The following SMO variants were observed in gnomAD, a reference collection of about 807,000 sequenced individuals.
SMO encodes the protein protein smoothened.
A neutral mutation model predicts 81.6 loss-of-function variants in SMO; 40 were observed. That is an observed-to-expected ratio of 0.49 (90% CI 0.38 to 0.64). SMO has a LOEUF of 0.64. SMO is among the 30% of genes least tolerant of loss of function. The probability of loss-of-function intolerance (pLI) is 0.00; values close to 1 mark genes in which losing one functional copy is unlikely to be tolerated. For synonymous variants in SMO, 434 were observed against 432.1 expected, an observed-to-expected ratio of 1.00 and a Z score of -0.05; for missense variants, 916 against 1,061.1, an observed-to-expected ratio of 0.86 and a Z score of 1.90.
At chr7:129,197,071 T>C (rs992073165) in intron 1 of SMO, among the ~76,000 whole-genome samples, 2 of 152,024 alleles carry the variant, frequency 1.3e-5, no homozygotes, top group Non-Finnish European at 2.9e-5. Context: ...TATTTCACTT[T>C]GTTGCTGATA....
rs2150656121 is a variant in SMO at position 129,211,969 on chromosome 7, G to T, written c.1937-55G>T. 6.6e-7 allele frequency: 1 copy of T among 1,504,774 alleles called. No individual in the cohort carries two copies. Among genetic ancestry groups the T allele is most frequent in the Non-Finnish European group, 8.9e-7 (1 of 1,124,962 alleles). The allele number at this position is 1,504,774 out of a possible 1,614,324, so 93.2% of individuals were successfully genotyped here. A position where few individuals can be genotyped will look rare whatever the true frequency, so the allele number is the denominator to read the frequency against. ...AGGTTAAGTGCTCCCAGGGGAGCGG[G>T]GGTGGCATGGACAGAGCCAGGGCCC... On this transcript the variant is annotated intron_variant, in intron 11 of 11. Coordinates refer to ENST00000249373, the MANE Select transcript of SMO (RefSeq NM_005631.5). This position sits in a 1 kb window ranked among gnomAD's most constrained non-coding sequence, Gnocchi z 4.6.
chr7:129,203,137 G>A (rs1230539382), intron 1 of SMO, among the ~76,000 whole-genome samples: 2 of 152,180 alleles, frequency 1.3e-5, no homozygotes, highest in Non-Finnish European at 2.9e-5. Context: ...GGGCATTTTT[G>A]TTTGTCACAA....
chr7:129,204,497 T>A (rs1284817527), intron 2 of SMO, among the ~76,000 whole-genome samples: 10 of 151,192 alleles, frequency 6.6e-5, no homozygotes, highest in Non-Finnish European at 1.5e-4. Flanking sequence ...ATACAAAAAA[T>A]TAGCCAGACA....
At chr7:129,205,132 A>G in intron 2 of SMO, 71 bp from the exon 3 acceptor site, 4 of 1,365,098 alleles carry the variant, frequency 2.9e-6, no homozygotes, top group Non-Finnish European at 4.2e-6. Context: ...TGCTACCTAG[A>G]TACCTTTCCC....
chr7:129,193,781 AAAAAATATATATATATATATAT>A (rs1793517708), intron 1 of SMO, among the ~76,000 whole-genome samples: 1 of 70,022 alleles, frequency 1.4e-5, no homozygotes, highest in Non-Finnish European at 2.9e-5. Flanking sequence ...AAAAAAAAAA[AAAAAATATATATATATATATAT>A]ATATATATAT....
At chr7:129,207,800 G>GGAGGCTTGCTTGAGCCCAGA (rs1235247194) in intron 6 of SMO, among the ~76,000 whole-genome samples, 3 of 152,136 alleles carry the variant, frequency 2.0e-5, no homozygotes, top group Non-Finnish European at 4.4e-5. Context: ...GGCTGAGGTG[G>GGAGGCTTGCTTGAGCCCAGA]GAGGCTTGCT....
rs2150638117 is a variant in SMO at position 129,189,313 on chromosome 7, G to A, written c.162G>A (p.Val54=). The change falls in exon 1 of 12, where the codon GTG becomes GTA. Residue 54 remains valine (V), a synonymous_variant. Transcript: ENST00000249373. This position sits in a 1 kb window ranked among gnomAD's most constrained non-coding sequence, Gnocchi z 4.7. ...AGGSARRSAA[V]TGPPPPLSHC... ...GGAGCGCGAGGAGGAGCGCGGCGGT[G>A]ACTGGCCCTCCGCCGCCGCTGAGCC... 6.7e-7 allele frequency: 1 copy of A among 1,491,608 alleles called. No individual in the cohort carries two copies. The highest frequency in any genetic ancestry group is 2.8e-5 in the East Asian group (1 of 35,974). The allele number at this position is 1,491,608 out of a possible 1,614,324, so 92.4% of individuals were successfully genotyped here.
At chr7:129,197,895 A>G (rs1793611888) in intron 1 of SMO, among the ~76,000 whole-genome samples, 1 of 152,196 alleles carries the variant, frequency 6.6e-6, no homozygotes, top group Non-Finnish European at 1.5e-5. Context: ...AGTCTTTTTA[A>G]AAGTCTAGAT....
rs1793872480 is a variant in SMO at position 129,211,705 on chromosome 7, A to G, written c.1871A>G (p.Lys624Arg). The change falls in exon 11 of 12, where the codon AAG becomes AGG. Residue 624 changes from lysine to arginine, a missense_variant. Physicochemically the swap from Lys to Arg is conservative, Grantham distance 26. Around this residue, in one of 4 missense-constraint regions of SMO, gnomAD observed 324 missense variants for 312.9 expected, o/e 1.04. Transcript: ENST00000249373. The surrounding 1 kb of genome is among the most constrained non-coding windows in gnomAD (Gnocchi z 4.6). ...VSSAWAQHVTKMVARRGAILP... is the reference protein window; with the variant it reads ...VSSAWAQHVTRMVARRGAILP... ...TCTGCCTGGGCCCAGCATGTCACCA[A>G]GATGGTGGCTCGGAGAGGAGCCATA... 1 of 1,613,856 alleles carries G rather than the reference A, an allele frequency of 6.2e-7. No homozygotes were observed. Among genetic ancestry groups the G allele is most frequent in the Non-Finnish European group, 8.5e-7 (1 of 1,179,930 alleles).
rs1784619822 is a variant in SMO at position 129,211,659 on chromosome 7, G to C, written c.1825G>C (p.Glu609Gln). 6.2e-7 allele frequency: 1 copy of C among 1,613,168 alleles called. No individual in the cohort carries two copies. The highest frequency in any genetic ancestry group is 8.5e-7 in the Non-Finnish European group (1 of 1,179,976). ...PVAGLAFDLN[E>Q]PSADVSSAWA... ...AGCGGGCTTGGCCTTTGACCTCAATGAGCCCTCAGCTGATGTCTCCTCTGC... is the reference window on the plus strand; with the variant it reads ...AGCGGGCTTGGCCTTTGACCTCAATCAGCCCTCAGCTGATGTCTCCTCTGC... The change falls in exon 11 of 12, where the codon GAG (glutamate) becomes CAG (glutamine). Residue 609 changes from glutamate to glutamine, a missense_variant. Transcript: ENST00000249373. The surrounding 1 kb of genome is among the most constrained non-coding windows in gnomAD (Gnocchi z 4.6).
rs2150648418 is a variant in SMO, at chr7:129,205,351, A to T, written c.686A>T (p.Asp229Val). 1 of 1,614,012 alleles carries T rather than the reference A, an allele frequency of 6.2e-7. No homozygotes were observed. The highest frequency in any genetic ancestry group is 8.5e-7 in the Non-Finnish European group (1 of 1,179,942). The change falls in exon 3 of 12, where the codon GAC (aspartate) becomes GTC (valine). Residue 229 changes from aspartate to valine, a missense_variant. This residue lies in a region of SMO where 436 missense variants were observed against 570.9 expected (regional missense o/e 0.76). Transcript: ENST00000249373. ...NPLFTEAEHQDMHSYIAAFGA... is the reference protein window; with the variant it reads ...NPLFTEAEHQVMHSYIAAFGA... ...CTCTTCACAGAGGCTGAGCACCAGG[A>T]CATGCACAGCTACATCGCGGCCTTC...
Position 129,208,907 on chromosome 7 carries a change from C to A in SMO, c.1357+56C>A. 8.3e-7 allele frequency: 1 copy of A among 1,211,796 alleles called. No individual in the cohort carries two copies. Among genetic ancestry groups the A allele is most frequent in the Non-Finnish European group, 1.2e-6 (1 of 822,842 alleles). 75.1% of individuals were successfully genotyped at this position (1,211,796 alleles called of 1,614,324 possible). A position where few individuals can be genotyped will look rare whatever the true frequency, so the allele number is the denominator to read the frequency against. Reference sequence around the variant, plus strand: ...GTCCTGGCCAGCCCAACACTGCACCCTCCTGGGGCTATGCGACCGGCAGGA... The same window carrying A: ...GTCCTGGCCAGCCCAACACTGCACCATCCTGGGGCTATGCGACCGGCAGGA... On this transcript the variant is annotated intron_variant, in intron 7 of 11. Transcript: ENST00000249373. This position sits in a 1 kb window ranked among gnomAD's most constrained non-coding sequence, Gnocchi z 5.2.
intron 1 of SMO, among the ~76,000 whole-genome samples, chr7:129,199,956 C>G (rs1793643751): frequency 6.6e-6 from 1 of 152,136 alleles, no homozygotes; most frequent in Admixed American, 6.6e-5. Flanking sequence ...GAGCTTTGTG[C>G]ATATAAGGAA....
At chr7:129,199,529 G>A (rs1221005668) in intron 1 of SMO, among the ~76,000 whole-genome samples, 3 of 152,110 alleles carry the variant, frequency 2.0e-5, no homozygotes, top group Non-Finnish European at 4.4e-5. Context: ...GAGTCCAGGA[G>A]TTCAAGACCA....
intron 6 of SMO, among the ~76,000 whole-genome samples, chr7:129,207,622 G>A (rs2735844): frequency 0.79 from 119,513 of 152,122 alleles, 47,396 homozygotes; most frequent in Middle Eastern, 0.88. Flanking sequence ...GCCTGGGTGC[G>A]GCGGCTCACT....
chr7:129,210,308 A>T lies in SMO; in HGVS notation c.1467-55A>T, dbSNP rs1793848151. 2.0e-6 allele frequency: 3 copies of T among 1,469,394 alleles called. No homozygotes were observed. The highest frequency in any genetic ancestry group is 1.1e-5 in the South Asian group (1 of 87,248). The allele number at this position is 1,469,394 out of a possible 1,614,324, so 91.0% of individuals were successfully genotyped here. ...TGACAGAGCAAGATCCTATCTCAAAAAAAGAGAGAGGAAAAGAAAGGAAAG... is the reference window on the plus strand; with the variant it reads ...TGACAGAGCAAGATCCTATCTCAAATAAAGAGAGAGGAAAAGAAAGGAAAG... On this transcript the variant is annotated intron_variant, in intron 8 of 11. Transcript: ENST00000249373. This position sits in a 1 kb window ranked among gnomAD's most constrained non-coding sequence, Gnocchi z 4.7.
rs1210331580 is a variant in SMO, at chr7:129,213,384, A to G, written c.*933A>G. 2 of 233,054 alleles carry G rather than the reference A, an allele frequency of 8.6e-6. No individual in the cohort carries two copies. The highest frequency in any genetic ancestry group is 5.6e-5 in the Admixed American group (1 of 17,764). 14.4% of individuals were successfully genotyped at this position (233,054 alleles called of 1,614,324 possible). A position where few individuals can be genotyped will look rare whatever the true frequency, so the allele number is the denominator to read the frequency against. On this transcript the variant is annotated 3_prime_UTR_variant, in exon 12 of 12. Transcript: ENST00000249373. ...CAGCCAGGCAAGAAAGCTTCCTTCA[A>G]CCTGCATAGCCGGTGGGTGAGGAGA... is the stretch of plus-strand genomic sequence containing the variant.
rs1793862976 is a variant in SMO, at chr7:129,211,127, C to T, written c.1801+14C>T. On this transcript the variant is annotated intron_variant, in intron 10 of 11. Transcript: ENST00000249373. The surrounding 1 kb of genome is among the most constrained non-coding windows in gnomAD (Gnocchi z 4.6). ...ACGGGCCCGTGGGTGAGCCTCACCCCTCCTCTACCGGAGCCGCCTGGCCCC... is the reference window on the plus strand; with the variant it reads ...ACGGGCCCGTGGGTGAGCCTCACCCTTCCTCTACCGGAGCCGCCTGGCCCC... 2 of 1,594,182 alleles carry T rather than the reference C, an allele frequency of 1.3e-6. No homozygotes were observed. Among genetic ancestry groups the T allele is most frequent in the East Asian group, 4.5e-5 (2 of 44,658 alleles).
At chr7:129,198,711 G>A (rs749704873) in intron 1 of SMO, among the ~76,000 whole-genome samples, 1 of 152,208 alleles carries the variant, frequency 6.6e-6, no homozygotes, top group Non-Finnish European at 1.5e-5. Context: ...ATTCAGTATA[G>A]CAACATGCTG....
Sources: gnomAD v4.1 joint callset for allele counts (sites outside exome capture counted in the v4.1 genomes callset) on GRCh38, gnomAD v4.1.1 for gene constraint, gnomAD v4.1.1 regional missense constraint, Gnocchi (gnomAD v3.1) non-coding constraint, MANE v1.5 for transcripts, NCBI Gene and HGNC (gene_info 2026-07-23, HGNC 2026-07-21) for gene names.